The following TRPM7 variants were observed in gnomAD, a reference collection of about 807,000 sequenced individuals.
The protein encoded by TRPM7 is LTRPC ion channel family member 7.
A neutral mutation model predicts 229.7 loss-of-function variants in TRPM7; 134 were observed. That is an observed-to-expected ratio of 0.58 (90% CI 0.51 to 0.67). The LOEUF (loss-of-function observed/expected upper bound fraction) is 0.67. TRPM7 is among the 30% of genes least tolerant of loss of function. The pLI, the probability that TRPM7 is intolerant of heterozygous loss-of-function variation, is 0.00. For synonymous variants in TRPM7, 699 were observed against 715.2 expected (o/e 0.98, Z 0.36); for missense variants, 1,901 against 2,210.0 (o/e 0.86, Z 2.80).
At chr15:50,612,420 CT>C in intron 16 of TRPM7, 128 bp downstream of exon 16, 3 of 615,620 alleles carry the variant, frequency 4.9e-6, no homozygotes, top group Non-Finnish European at 7.3e-6. Context: ...ATATAATTTT[CT>C]GTCAATTGTA....
intron 30 of TRPM7, 89 bp downstream of exon 30, chr15:50,580,774 ATAAAGAAATGT>A: frequency 9.1e-7 from 1 of 1,097,654 alleles, no homozygotes; most frequent in South Asian, 1.7e-5. Flanking sequence ...ATCATCACTC[ATAAAGAAATGT>A]TAAAGAGATG....
At chr15:50,589,230 G>A (rs1362676738) in intron 27 of TRPM7, among the ~76,000 whole-genome samples, 5 of 149,188 alleles carry the variant, frequency 3.4e-5, no homozygotes, top group African/African-American at 1.2e-4. Flanking sequence ...GCTGAGGCAG[G>A]AGAATCACTT....
chr15:50,620,318 T>A (rs1303752395), intron 12 of TRPM7, among the ~76,000 whole-genome samples: 1 of 152,006 alleles, frequency 6.6e-6, no homozygotes, highest in East Asian at 1.9e-4. Context: ...CAATTTTTTT[T>A]TTTTTAAGCT....
At chr15:50,644,612 G>C (rs967222898) in intron 4 of TRPM7, among the ~76,000 whole-genome samples, 5 of 152,058 alleles carry the variant, frequency 3.3e-5, no homozygotes, top group Admixed American at 1.3e-4. Flanking sequence ...AGGCCAGCCT[G>C]ACCAACATGG....
chr15:50,646,781 T>C (rs2899463), intron 4 of TRPM7, among the ~76,000 whole-genome samples: 72,125 of 152,040 alleles, frequency 0.47, 17,694 homozygotes, highest in East Asian at 0.56. Context: ...TGATTAATGA[T>C]GAACTGCATA....
Position 50,596,148 on chromosome 15 carries a change from T to A in TRPM7, c.3290+107A>T, listed in dbSNP as rs189226445. On this transcript the variant is annotated intron_variant, in intron 23 of 38. Transcript: ENST00000646667. ...TTTTTCAAATATAATTTTAGTAGTT[T>A]AAGCCTCAATAAAATTTTTAGATTT... The A allele has an allele frequency of 5.9e-6, 4 of 682,942 alleles. No homozygotes were observed. In the East Asian group the frequency reaches 1.1e-4, roughly 18 times the overall value. The allele number at this position is 682,942 out of a possible 1,614,324, so 42.3% of individuals were successfully genotyped here. A position where few individuals can be genotyped will look rare whatever the true frequency, so the allele number is the denominator to read the frequency against.
chr15:50,657,676 A>G (rs2061611443), intron 3 of TRPM7, 105 bp downstream of exon 3: 2 of 1,024,354 alleles, frequency 2.0e-6, no homozygotes, highest in Non-Finnish European at 2.9e-6. Context: ...CCCATCAAAT[A>G]TAATAGCATG....
At chr15:50,628,962 T>C (rs1417725608) in intron 10 of TRPM7, among the ~76,000 whole-genome samples, 1 of 152,224 alleles carries the variant, frequency 6.6e-6, no homozygotes, top group African/African-American at 2.4e-5. Flanking sequence ...TACCTTGATA[T>C]CGTACCTTGG....
chr15:50,637,670 G>T, intron 6 of TRPM7, 77 bp from the exon 7 acceptor site: 2 of 1,224,174 alleles, frequency 1.6e-6, no homozygotes, highest in Admixed American at 2.7e-5. Context: ...GAAATAATCC[G>T]TAAAGACAAG....
intron 1 of TRPM7, among the ~76,000 whole-genome samples, chr15:50,676,322 A>T (rs554371111): frequency 1.3e-5 from 2 of 152,246 alleles, no homozygotes; most frequent in Non-Finnish European, 2.9e-5. Context: ...TAACAAATAC[A>T]TTCTATGATT....
chr15:50,674,580 C>T (rs150416050), intron 1 of TRPM7, among the ~76,000 whole-genome samples: 2 of 152,236 alleles, frequency 1.3e-5, no homozygotes, highest in East Asian at 3.9e-4. Context: ...TGCATACCAC[C>T]ATTATGGTAT....
chr15:50,631,276 T>C (rs1032293603), intron 10 of TRPM7, 141 bp downstream of exon 10: 1 of 432,384 alleles, frequency 2.3e-6, no homozygotes, highest in Non-Finnish European at 4.2e-6. Context: ...CAAAGAAAAA[T>C]GACTGAAAAT....
intron 25 of TRPM7, among the ~76,000 whole-genome samples, chr15:50,593,403 C>T (rs937583047): frequency 6.6e-6 from 1 of 152,088 alleles, no homozygotes; most frequent in East Asian, 1.9e-4. Context: ...GTAAACTCTT[C>T]TATCTTCTGT....
chr15:50,560,347 C>T lies in TRPM7; in HGVS notation c.*1331G>A, dbSNP rs569155348. On this transcript the variant is annotated 3_prime_UTR_variant, in exon 39 of 39. Coordinates refer to ENST00000646667, the MANE Select transcript of TRPM7 (RefSeq NM_017672.6). Reference sequence around the variant, plus strand: ...TTTAAAGATTTAATGATATACAAAACGTATATAGTATCTTTAAGTAATACA... The same window carrying T: ...TTTAAAGATTTAATGATATACAAAATGTATATAGTATCTTTAAGTAATACA... The T allele has an allele frequency of 2.0e-5, 3 of 152,322 alleles. No homozygotes were observed. The highest frequency in any genetic ancestry group is 4.1e-4 in the South Asian group (2 of 4,826). The allele number at this position is 152,322 out of a possible 1,614,324, so 9.4% of individuals were successfully genotyped here. A position where few individuals can be genotyped will look rare whatever the true frequency, so the allele number is the denominator to read the frequency against.
chr15:50,609,500 A>G, intron 19 of TRPM7, 81 bp downstream of exon 19: 1 of 1,332,374 alleles, frequency 7.5e-7, no homozygotes, highest in Admixed American at 2.6e-5. Flanking sequence ...AGTTATATCA[A>G]CATTAGTATG....
At chr15:50,650,212 A>C (rs2061384340) in intron 3 of TRPM7, among the ~76,000 whole-genome samples, 1 of 148,178 alleles carries the variant, frequency 6.7e-6, no homozygotes, top group Non-Finnish European at 1.5e-5. Context: ...AAAAAAAAAA[A>C]AAAAAAAAAG....
intron 3 of TRPM7, among the ~76,000 whole-genome samples, chr15:50,656,725 T>C (rs1170048926): frequency 2.6e-5 from 4 of 152,136 alleles, no homozygotes; most frequent in African/African-American, 9.7e-5. Context: ...CTTTTATTCC[T>C]AGCCTACCAC....
intron 1 of TRPM7, among the ~76,000 whole-genome samples, chr15:50,674,880 T>C (rs2062061319): frequency 2.0e-5 from 3 of 152,236 alleles, no homozygotes. Context: ...CCCATAGTTT[T>C]GGGTTTTTTC....
intron 38 of TRPM7, among the ~76,000 whole-genome samples, chr15:50,568,051 C>T (rs935028709): frequency 5.8e-5 from 8 of 138,554 alleles, no homozygotes; most frequent in Non-Finnish European, 9.1e-5. Context: ...TGCACTCTAG[C>T]CTGGGCAACA....
Sources: allele counts gnomAD v4.1 joint callset (sites outside exome capture counted in the v4.1 genomes callset), GRCh38; gene constraint gnomAD v4.1.1; transcripts MANE v1.5; gene names NCBI Gene and HGNC (gene_info 2026-07-23, HGNC 2026-07-21).